PLTP: variants seen among roughly 807,000 people sequenced by gnomAD.
PLTP encodes the protein phospholipid transfer protein.
A neutral mutation model predicts 54.1 loss-of-function variants in PLTP; 43 were observed. The observed-to-expected ratio is 0.79, with a 90% CI of 0.62 to 1.02. The LOEUF is 1.02. PLTP is among the 50% of genes least tolerant of loss of function. PLTP has a pLI of 0.00. For synonymous variants in PLTP, 263 were observed against 264.6 expected, an observed-to-expected ratio of 0.99 and a Z score of 0.06; for missense variants, 604 against 645.9, an observed-to-expected ratio of 0.94 and a Z score of 0.70.
chr20:45,902,506 A>G lies in PLTP; in HGVS notation c.1041T>C (p.Thr347=), dbSNP rs573261576. The G allele has an allele frequency of 3.1e-6, 5 of 1,614,180 alleles. No homozygotes were observed. In the South Asian group the frequency reaches 5.5e-5, roughly 18 times the overall value. ...GGACCAGGGCAATGGTGACGCTAGC[A>G]GTGACAGAGATGGTGGTGCCAGAGG... ...IKPSGTTISV[T]ASVTIALVPP... Residue 347 remains threonine, a synonymous_variant, in exon 11 of 16, where the codon ACT becomes ACC. Transcript: ENST00000372431.
In PLTP at chr20:45,898,790, A is replaced by G; in HGVS notation, c.*151T>C. The G allele has an allele frequency of 1.1e-6, 1 of 902,868 alleles. No homozygotes were observed. The highest frequency in any genetic ancestry group is 1.7e-5 in the South Asian group (1 of 58,944). 55.9% of individuals were successfully genotyped at this position (902,868 alleles called of 1,614,324 possible). ...TGGACGGACTGTAATTGATAGATTG[A>G]TTATGGAATTAAATTGGGTACAGCT... On this transcript the variant is annotated 3_prime_UTR_variant, in exon 16 of 16. Coordinates refer to ENST00000372431, the MANE Select transcript of PLTP (RefSeq NM_006227.4). The surrounding 1 kb of genome is among the most constrained non-coding windows in gnomAD (Gnocchi z 4.6).
Position 45,905,017 on chromosome 20 carries a change from A to C in PLTP, c.807T>G (p.Ser269=). Residue 269 remains serine, a synonymous_variant, in exon 9 of 16, where the codon TCT becomes TCG. Transcript: ENST00000372431. ...EEERMVYVAF[S]EFFFDSAMES... ...CCATGGCAGAGTCGAAGAAGAACTC[A>C]GAGAAGGCCACATACACCATCCGCT... The C allele has an allele frequency of 6.2e-7, 1 of 1,614,198 alleles. No individual in the cohort carries two copies. The highest frequency in any genetic ancestry group is 1.1e-5 in the South Asian group (1 of 91,090).
intron 3 of PLTP, 123 bp from the exon 4 acceptor site, chr20:45,910,193 C>T: frequency 6.4e-6 from 7 of 1,090,134 alleles, no homozygotes; most frequent in Non-Finnish European, 9.5e-6. Flanking sequence ...GGAATGAATT[C>T]TTCCATTGTC....
chr20:45,910,002 A>C lies in PLTP; in HGVS notation c.269T>G (p.Leu90Arg). The C allele has an allele frequency of 6.2e-7, 1 of 1,614,160 alleles. No homozygotes were observed. Among genetic ancestry groups the C allele is most frequent in the Non-Finnish European group, 8.5e-7 (1 of 1,180,018 alleles). Residue 90 changes from leucine to arginine, a missense_variant, in exon 4 of 16, where the codon CTT becomes CGT. Transcript: ENST00000372431. ...LDFQPQQELM[L>R]QITNASLGLR... ...CCCCAAGGAGGCATTGGTGATTTGA[A>C]GCATCAGCTCCTGCTGTGGCTGGAA...
chr20:45,911,415 G>C lies in PLTP; in HGVS notation c.38C>G (p.Ala13Gly). 3 of 1,608,014 alleles carry C rather than the reference G, an allele frequency of 1.9e-6. No homozygotes were observed. In the South Asian group the frequency reaches 3.3e-5, roughly 18 times the overall value. The change falls in exon 2 of 16, where the codon GCA becomes GGA. Residue 13 changes from alanine (A) to glycine (G), a missense_variant. By Grantham distance (60) the Ala-to-Gly change is moderately conservative. Coordinates refer to ENST00000372431, the MANE Select transcript of PLTP (RefSeq NM_006227.4). ...LFGALFLALLAGAHAEFPGCK... is the reference protein window; with the variant it reads ...LFGALFLALLGGAHAEFPGCK... The stretch of plus-strand genomic sequence containing the variant: ...GCCTGGGAACTCTGCATGTGCGCCT[G>C]CCAGCAGCGCTAGGAAGAGGGCCCC...
intron 15 of PLTP, 142 bp from the exon 16 acceptor site, chr20:45,899,205 A>G: frequency 2.4e-6 from 3 of 1,266,524 alleles, no homozygotes; most frequent in Non-Finnish European, 3.4e-6. Flanking sequence ...AGGCTGTAGG[A>G]GTGTAGACTA....
At chr20:45,905,310 C>T (rs1032537604) in intron 8 of PLTP, among the ~76,000 whole-genome samples, 192 bp from the exon 9 acceptor site, 1 of 152,114 alleles carries the variant, frequency 6.6e-6, no homozygotes, top group South Asian at 2.1e-4. Context: ...GGGGCGAGCC[C>T]GTCAGACTGG....
At chr20:45,902,626 C>A in intron 10 of PLTP, 22 bp from the exon 11 acceptor site, 1 of 1,572,306 alleles carries the variant, frequency 6.4e-7, no homozygotes, top group South Asian at 1.1e-5. Context: ...GCAGCAGGGG[C>A]GGGTCAAGTC....
At position 45,909,589 on chromosome 20, in the gene PLTP, G is replaced by A. The variant is rs377218597; in HGVS notation, c.412C>T (p.Arg138Trp). 7.6e-5 allele frequency: 122 copies of A among 1,614,036 alleles called. No individual in the cohort carries two copies. Among genetic ancestry groups the A allele is most frequent in the Non-Finnish European group, 1.0e-4 (119 of 1,180,034 alleles). Reference sequence around the variant, plus strand: ...CAGGAGACATTGGACACTTTCATCCGTCCAGCGGGATCCCGGGAGAGCTCC... The same window carrying A: ...CAGGAGACATTGGACACTTTCATCCATCCAGCGGGATCCCGGGAGAGCTCC... Reference protein sequence around the residue: ...GLELSRDPAGRMKVSNVSCQA... With the variant: ...GLELSRDPAGWMKVSNVSCQA... The change falls in exon 5 of 16, where the codon CGG (arginine) becomes TGG (tryptophan). Residue 138 changes from arginine to tryptophan, a missense_variant. By Grantham distance (101) the Arg-to-Trp change is moderately radical. Transcript: ENST00000372431.
Position 45,911,328 on chromosome 20 carries a change from G to C in PLTP, c.100+25C>G, listed in dbSNP as rs370867957. 2.5e-6 allele frequency: 4 copies of C among 1,613,606 alleles called. No individual in the cohort carries two copies. In the African/African-American group the frequency reaches 5.3e-5, roughly 22 times the overall value. On this transcript the variant is annotated intron_variant, in intron 2 of 15. Coordinates refer to ENST00000372431, the MANE Select transcript of PLTP (RefSeq NM_006227.4). ...ACCCCAACCCCGTCCGCTCCCGTCC[G>C]TCCCTGTCTGCCCCTGCGCCTTACC... is the stretch of plus-strand genomic sequence containing the variant.
At chr20:45,905,148 AG>A (rs2083228146) in intron 8 of PLTP, 30 bp from the exon 9 acceptor site, 1 of 1,607,378 alleles carries the variant, frequency 6.2e-7, no homozygotes, top group African/African-American at 1.3e-5. Flanking sequence ...GTCAGGGTCA[AG>A]GCAGACTGGC....
At position 45,907,994 on chromosome 20, in the gene PLTP, C is replaced by A; in HGVS notation, c.486-90G>T. The A allele has an allele frequency of 8.8e-6, 10 of 1,138,498 alleles. No homozygotes were observed. The South Asian group carries it at 1.2e-4, about 14-fold the overall frequency. 70.5% of individuals were successfully genotyped at this position (1,138,498 alleles called of 1,614,324 possible). A position where few individuals can be genotyped will look rare whatever the true frequency, so the allele number is the denominator to read the frequency against. On this transcript the variant is annotated intron_variant, in intron 5 of 15. Transcript: ENST00000372431. ...AAATCAGTGACTAGGGAAATAGTGGCAGTAGGAGTCCTCAGCTTCAGCCTG... is the reference window on the plus strand; with the variant it reads ...AAATCAGTGACTAGGGAAATAGTGGAAGTAGGAGTCCTCAGCTTCAGCCTG...
At chr20:45,904,736 C>G in intron 10 of PLTP, 64 bp downstream of exon 10, 1 of 1,554,166 alleles carries the variant, frequency 6.4e-7, no homozygotes, top group Non-Finnish European at 8.9e-7. Context: ...GGGGCCCCAC[C>G]TGCACCCCTC....
In PLTP at chr20:45,902,283, G is replaced by GC; in HGVS notation, c.1158dup (p.Gln387AlafsTer42). On this transcript the variant is annotated frameshift_variant, in exon 12 of 16. Coordinates refer to ENST00000372431, the MANE Select transcript of PLTP (RefSeq NM_006227.4). LOFTEE classifies it high-confidence loss of function. Reference sequence around the variant, plus strand: ...CCTGCCTACCTGCGCAGGTCCAGCTGCGTGCGCAGGGCCTTCCCCCGGAGA... The same window carrying GC: ...CCTGCCTACCTGCGCAGGTCCAGCTGCCGTGCGCAGGGCCTTCCCCCGGAGA... 6.2e-7 allele frequency: 1 copy of GC among 1,614,042 alleles called. No homozygotes were observed.
chr20:45,903,124 C>T (rs373700272), intron 10 of PLTP, among the ~76,000 whole-genome samples: 1 of 152,158 alleles, frequency 6.6e-6, no homozygotes, highest in Non-Finnish European at 1.5e-5. Flanking sequence ...GCTAGTGATT[C>T]GCCCACCTCG....
Position 45,911,470 on chromosome 20 carries a change from G to C in PLTP, c.-11-7C>G, listed in dbSNP as rs768003037. 3 of 1,600,946 alleles carry C rather than the reference G, an allele frequency of 1.9e-6. No homozygotes were observed. The highest frequency in any genetic ancestry group is 2.5e-6 in the Non-Finnish European group (3 of 1,179,678). ...AGGGCCATGGCGAGCGGGCCTGGGGGTGGGGTGGGGTCGCAGGAGTTATCT... is the reference window on the plus strand; with the variant it reads ...AGGGCCATGGCGAGCGGGCCTGGGGCTGGGGTGGGGTCGCAGGAGTTATCT... On this transcript the variant is annotated splice_region_variant and splice_polypyrimidine_tract_variant and intron_variant, in intron 1 of 15. Transcript: ENST00000372431.
At position 45,904,993 on chromosome 20, in the gene PLTP, C is replaced by T. The variant is rs759561571; in HGVS notation, c.831G>A (p.Met277Ile). 6.2e-7 allele frequency: 1 copy of T among 1,614,268 alleles called. No individual in the cohort carries two copies. The highest frequency in any genetic ancestry group is 1.7e-5 in the Admixed American group (1 of 60,036). The change falls in exon 9 of 16, where the codon ATG (methionine) becomes ATA (isoleucine). Residue 277 changes from methionine to isoleucine, a missense_variant. Coordinates refer to ENST00000372431, the MANE Select transcript of PLTP (RefSeq NM_006227.4). ...AFSEFFFDSA[M>I]ESYFRAGALQ... ...GGGCCCCCGCCCGGAAGTAGCTCTC[C>T]ATGGCAGAGTCGAAGAAGAACTCAG...
chr20:45,901,210 C>T (rs2083180918), intron 12 of PLTP, among the ~76,000 whole-genome samples: 1 of 152,176 alleles, frequency 6.6e-6, no homozygotes, highest in Admixed American at 6.5e-5. Flanking sequence ...TAAATAGTCA[C>T]ATGTGGCTAG....
chr20:45,910,148 C>T (rs967176222), intron 3 of PLTP, 78 bp from the exon 4 acceptor site: 4 of 1,522,876 alleles, frequency 2.6e-6, no homozygotes, highest in Non-Finnish European at 3.6e-6. Context: ...GTCTGCTCCC[C>T]TTTCAAGTCC....
Sources: allele counts gnomAD v4.1 joint callset (sites outside exome capture counted in the v4.1 genomes callset), GRCh38; gene constraint gnomAD v4.1.1; non-coding constraint Gnocchi (gnomAD v3.1); transcripts MANE v1.5; gene names NCBI Gene and HGNC (gene_info 2026-07-23, HGNC 2026-07-21).